Variants in ILRUN observed in about 807,000 individuals in gnomAD.
ILRUN encodes the protein inflammation and lipid regulator with UBA-like and NBR1-like domains, also known as protein ILRUN.
ILRUN carries 3 observed loss-of-function variants against 33.8 expected under a neutral mutation model. That is an observed-to-expected ratio of 0.09 (90% CI 0.04 to 0.23). The LOEUF (loss-of-function observed/expected upper bound fraction) is 0.23. ILRUN is among the 10% of genes least tolerant of loss of function. The pLI, the probability that ILRUN is intolerant of heterozygous loss-of-function variation, is 1.00. For missense variants in ILRUN, 210 were observed against 375.1 expected, an observed-to-expected ratio of 0.56 and a Z score of 3.64; for synonymous variants, 124 against 138.9, an observed-to-expected ratio of 0.89 and a Z score of 0.75.
chr6:34,649,830 A>T (rs1159325547), intron 2 of ILRUN, among the ~76,000 whole-genome samples: 1 of 152,224 alleles, frequency 6.6e-6, no homozygotes, highest in East Asian at 1.9e-4. Context: ...TAATAAAGTG[A>T]CTGGAACATA....
intron 3 of ILRUN, among the ~76,000 whole-genome samples, chr6:34,613,766 T>C (rs1761809155): frequency 6.6e-6 from 1 of 152,226 alleles, no homozygotes; most frequent in South Asian, 2.1e-4. Flanking sequence ...ATACAAAAGT[T>C]GGTGTGCATA....
chr6:34,611,801 A>G (rs1404101124), intron 3 of ILRUN, among the ~76,000 whole-genome samples: 1 of 152,236 alleles, frequency 6.6e-6, no homozygotes, highest in African/African-American at 2.4e-5. Flanking sequence ...GCTCAAGGTC[A>G]TAATTTAAGT....
At chr6:34,615,422 C>G (rs926610352) in intron 3 of ILRUN, among the ~76,000 whole-genome samples, 7 of 151,732 alleles carry the variant, frequency 4.6e-5, no homozygotes, top group African/African-American at 1.7e-4. Flanking sequence ...ATGGTGAAAC[C>G]TTGTCTCTAC....
chr6:34,596,022 G>T, intron 4 of ILRUN: 1 of 783,172 alleles, frequency 1.3e-6, no homozygotes, highest in Non-Finnish European at 1.6e-6. Context: ...ACATTGTGTG[G>T]TGAGGCCCTG....
intron 1 of ILRUN, among the ~76,000 whole-genome samples, chr6:34,668,381 T>C (rs572044177): frequency 3.9e-5 from 6 of 152,192 alleles, no homozygotes; most frequent in Non-Finnish European, 7.3e-5. Flanking sequence ...CATCAACTTA[T>C]ATATTGATAT....
At chr6:34,659,374 T>C (rs1762841748) in intron 1 of ILRUN, among the ~76,000 whole-genome samples, 1 of 152,172 alleles carries the variant, frequency 6.6e-6, no homozygotes, top group Non-Finnish European at 1.5e-5. Flanking sequence ...CGAGGTTAAT[T>C]TGCCCTAGGC....
intron 1 of ILRUN, among the ~76,000 whole-genome samples, chr6:34,661,178 G>T (rs916411753): frequency 5.3e-5 from 8 of 152,164 alleles, no homozygotes; most frequent in Admixed American, 5.2e-4. Context: ...AAAAAGAAAG[G>T]AAGTGGTGGC....
chr6:34,597,017 A>ACATCCTCCCTGTCAAC (rs1207050953), intron 4 of ILRUN, among the ~76,000 whole-genome samples: 2 of 151,324 alleles, frequency 1.3e-5, no homozygotes, highest in Admixed American at 6.6e-5. Context: ...CTCCCTCCAT[A>ACATCCTCCCTGTCAAC]CATCCTCCCT....
chr6:34,679,654 C>T (rs1763314895), intron 1 of ILRUN, among the ~76,000 whole-genome samples: 1 of 152,200 alleles, frequency 6.6e-6, no homozygotes, highest in African/African-American at 2.4e-5. Flanking sequence ...AGGTTAAACA[C>T]TATCTCCCCA....
intron 4 of ILRUN, among the ~76,000 whole-genome samples, chr6:34,597,873 C>T (rs1761433263): frequency 6.6e-6 from 1 of 152,166 alleles, no homozygotes; most frequent in South Asian, 2.1e-4. Flanking sequence ...TCTGAGCCTT[C>T]CTGCATGTGG....
intron 3 of ILRUN, among the ~76,000 whole-genome samples, chr6:34,632,357 C>T (rs982318043): frequency 1.3e-5 from 2 of 151,980 alleles, no homozygotes; most frequent in Non-Finnish European, 2.9e-5. Flanking sequence ...AAGAGAATAG[C>T]GTGAACCTGG....
chr6:34,666,715 G>A (rs1763014914), intron 1 of ILRUN, among the ~76,000 whole-genome samples: 1 of 152,120 alleles, frequency 6.6e-6, no homozygotes, highest in Admixed American at 6.6e-5. Context: ...ATAAATATGT[G>A]ACATGTGAGA....
At chr6:34,610,096 G>A (rs1398209758) in intron 3 of ILRUN, among the ~76,000 whole-genome samples, 1 of 151,604 alleles carries the variant, frequency 6.6e-6, no homozygotes, top group Non-Finnish European at 1.5e-5. Context: ...GGGAGGCAGA[G>A]CTTGCAGTGA....
At chr6:34,682,041 C>CTT (rs552894159) in intron 1 of ILRUN, among the ~76,000 whole-genome samples, 3,283 of 90,566 alleles carry the variant, frequency 0.036, 207 homozygotes, top group African/African-American at 0.13. Context: ...TATTTTTTTA[C>CTT]TTTTTTTTTT....
chr6:34,600,337 C>A (rs1319460844), intron 4 of ILRUN, among the ~76,000 whole-genome samples: 2 of 152,180 alleles, frequency 1.3e-5, no homozygotes, highest in African/African-American at 4.8e-5. Context: ...AACAGGCAAA[C>A]TTCCACTTCA....
chr6:34,664,125 C>T (rs976255288), intron 1 of ILRUN, among the ~76,000 whole-genome samples: 1 of 152,118 alleles, frequency 6.6e-6, no homozygotes, highest in African/African-American at 2.4e-5. Context: ...AGTGCAGAGA[C>T]CATTTGAACT....
rs529396637 is a variant in ILRUN at position 34,680,402 on chromosome 6, TTTTGTTTA to T, written c.158+16036_158+16043del. 2.0e-3 allele frequency among the ~76,000 whole-genome samples: 301 copies of T among 152,316 alleles called. 2 individuals are homozygous for T. The highest frequency in any genetic ancestry group is 7.1e-3 in the African/African-American group (294 of 41,582). On this transcript the variant is annotated intron_variant, in intron 1 of 4. Coordinates refer to ENST00000374023, the MANE Select transcript of ILRUN (RefSeq NM_024294.4). Reference sequence around the variant, plus strand: ...TGGGTCCCATTATTATCGCTTATTTTTTTGTTTATTTGTTTTGTTTACCAGTTCTTTCT... The same window carrying T: ...TGGGTCCCATTATTATCGCTTATTTTTTTGTTTTGTTTACCAGTTCTTTCT...
rs1761248177 is a variant in ILRUN, at chr6:34,589,089, C to G, written c.*1476G>C. ...GCACCCTGGATCCATATCCCTGGCT[C>G]TCAAACCAACTAAGACTTGAGGGAA... On this transcript the variant is annotated 3_prime_UTR_variant, in exon 5 of 5. Transcript: ENST00000374023. 6.5e-6 allele frequency: 1 copy of G among 152,954 alleles called. No individual in the cohort carries two copies. Among genetic ancestry groups the G allele is most frequent in the Non-Finnish European group, 1.5e-5 (1 of 68,278 alleles). The allele number at this position is 152,954 out of a possible 1,614,324, so 9.5% of individuals were successfully genotyped here.
At chr6:34,629,076 C>G (rs980439578) in intron 3 of ILRUN, among the ~76,000 whole-genome samples, 2 of 152,060 alleles carry the variant, frequency 1.3e-5, no homozygotes, top group African/African-American at 2.4e-5. Context: ...TGCATACCAG[C>G]CTGGGCAACA....
Sources: gnomAD v4.1 joint callset for allele counts (sites outside exome capture counted in the v4.1 genomes callset) on GRCh38, gnomAD v4.1.1 for gene constraint, MANE v1.5 for transcripts, NCBI Gene and HGNC (gene_info 2026-07-23, HGNC 2026-07-21) for gene names.